The following RPAP3 variants were observed in gnomAD, a reference collection of about 807,000 sequenced individuals.
The protein encoded by RPAP3 is RNA polymerase II-associated protein 3.
Under a neutral mutation model 88.8 loss-of-function variants are expected in RPAP3, and 58 were observed. The observed-to-expected ratio is 0.65, with a 90% CI of 0.53 to 0.81. The LOEUF is 0.81. Ranked by LOEUF, RPAP3 falls within the 40% of genes least tolerant of loss-of-function variation. RPAP3 has a pLI of 0.00. For missense variants in RPAP3, 751 were observed against 764.3 expected, an observed-to-expected ratio of 0.98 and a Z score of 0.20; for synonymous variants, 255 against 259.9, an observed-to-expected ratio of 0.98 and a Z score of 0.18.
rs1565712326 is a variant in RPAP3 at position 47,667,042 on chromosome 12, CT to C, written c.1849del (p.Arg617AspfsTer5). 1.1e-5 allele frequency: 16 copies of C among 1,516,534 alleles called. No individual in the cohort carries two copies. The highest frequency in any genetic ancestry group is 1.4e-5 in the Non-Finnish European group (16 of 1,138,560). 93.9% of individuals were successfully genotyped at this position (1,516,534 alleles called of 1,614,324 possible). A position where few individuals can be genotyped will look rare whatever the true frequency, so the allele number is the denominator to read the frequency against. ...ATCAAACCTTTTTAGTTCAGAAAGT[CT>C]TTGTAAGATTTCAAAGATGAGTAAT... The part of the protein sequence containing the change: ...KPLLIFEILQ[R>X]LSELKRFDMA... On this transcript the variant is annotated frameshift_variant, in exon 16 of 17. Coordinates refer to ENST00000005386, the MANE Select transcript of RPAP3 (RefSeq NM_024604.3). LOFTEE classifies it high-confidence loss of function.
chr12:47,672,487 CA>C (rs1487322892), intron 12 of RPAP3, among the ~76,000 whole-genome samples: 1 of 152,190 alleles, frequency 6.6e-6, no homozygotes, highest in Non-Finnish European at 1.5e-5. Flanking sequence ...GAGTTATTCT[CA>C]ATTTACGGAG....
At chr12:47,666,812 C>G (rs1211694572) in intron 16 of RPAP3, among the ~76,000 whole-genome samples, 168 bp downstream of exon 16, 1 of 151,930 alleles carries the variant, frequency 6.6e-6, no homozygotes, top group Non-Finnish European at 1.5e-5. Context: ...TTCTTGTTAT[C>G]CAATTTAATT....
intron 5 of RPAP3, among the ~76,000 whole-genome samples, chr12:47,695,088 G>C (rs1301634082): frequency 2.6e-5 from 4 of 151,966 alleles, no homozygotes; most frequent in African/African-American, 7.3e-5. Flanking sequence ...ACAGAAGGTG[G>C]GCAATAGAAA....
intron 3 of RPAP3, among the ~76,000 whole-genome samples, chr12:47,698,593 A>C (rs1457088549): frequency 1.3e-5 from 2 of 152,096 alleles, no homozygotes; most frequent in Admixed American, 1.3e-4. Flanking sequence ...AGCTTACTGC[A>C]ACCTCCATCT....
At chr12:47,678,223 C>T (rs1939154635) in intron 12 of RPAP3, among the ~76,000 whole-genome samples, 1 of 152,102 alleles carries the variant, frequency 6.6e-6, no homozygotes, top group Non-Finnish European at 1.5e-5. Context: ...TGGATCCCTT[C>T]CTTACACCTT....
rs567025650 is a variant in RPAP3, at chr12:47,686,878, A to C, written c.894T>G (p.Tyr298Ter). 98 of 1,602,102 alleles carry C rather than the reference A, an allele frequency of 6.1e-5. No homozygotes were observed. Among genetic ancestry groups the C allele is most frequent in the Non-Finnish European group, 8.2e-5 (96 of 1,172,742 alleles). ...RGNGFFKEGK[Y>*]ERAIECYTRG... Reference sequence around the variant, plus strand: ...GAGTATAGCATTCAATTGCTCTTTCATATTTCCCCTCTTTGAAAAATCCAT... The same window carrying C: ...GAGTATAGCATTCAATTGCTCTTTCCTATTTCCCCTCTTTGAAAAATCCAT... Residue 298 changes from tyrosine (Y) to a stop codon, truncating the protein, a stop_gained, in exon 9 of 17, where the codon TAT (tyrosine) becomes TAG (stop). Coordinates refer to ENST00000005386, the MANE Select transcript of RPAP3 (RefSeq NM_024604.3). LOFTEE classifies it high-confidence loss of function.
In RPAP3 at chr12:47,670,171, T is replaced by C. The variant is rs776870361; in HGVS notation, c.1462A>G (p.Thr488Ala). 2.5e-6 allele frequency: 4 copies of C among 1,614,018 alleles called. No homozygotes were observed. The East Asian group carries it at 6.7e-5, about 27-fold the overall frequency. Residue 488 changes from threonine (T) to alanine (A), a missense_variant, in exon 13 of 17, where the codon ACA becomes GCA. Transcript: ENST00000005386. The stretch of plus-strand genomic sequence containing the variant: ...ACTTTTGCTCTTGGAGTATCACTTG[T>C]GGGAAAAAGGTCATCTTGGCTTGAA... Reference protein sequence around the residue: ...KNSSQDDLFPTSDTPRAKVLK... With the variant: ...KNSSQDDLFPASDTPRAKVLK...
In RPAP3 at chr12:47,661,755, T is replaced by C. The variant is rs1165768553; in HGVS notation, c.*1750A>G. 6.6e-6 allele frequency: 1 copy of C among 152,242 alleles called. No individual in the cohort carries two copies. Among genetic ancestry groups the C allele is most frequent in the African/African-American group, 2.4e-5 (1 of 41,472 alleles). The allele number at this position is 152,242 out of a possible 1,614,324, so 9.4% of individuals were successfully genotyped here. On this transcript the variant is annotated 3_prime_UTR_variant, in exon 17 of 17. Transcript: ENST00000005386. ...TACATTAAGAGAAGACAGCACGTTC[T>C]GAACTGTTTTGGCCAATTTTTAGCT... is the stretch of plus-strand genomic sequence containing the variant.
intron 16 of RPAP3, chr12:47,664,642 C>T (rs1358523481): frequency 2.0e-5 from 3 of 152,162 alleles, no homozygotes; most frequent in Non-Finnish European, 4.4e-5. Flanking sequence ...ACTTAGCAGA[C>T]AGTGGAAACC....
intron 7 of RPAP3, among the ~76,000 whole-genome samples, chr12:47,688,254 C>T (rs1456922952): frequency 6.6e-6 from 1 of 151,448 alleles, no homozygotes; most frequent in Admixed American, 6.6e-5. Context: ...CATGTTTTGA[C>T]TTATAAGTGG....
chr12:47,665,327 G>T (rs947463118), intron 16 of RPAP3, among the ~76,000 whole-genome samples: 2 of 150,398 alleles, frequency 1.3e-5, no homozygotes, highest in Non-Finnish European at 3.0e-5. Context: ...ATGTTGGCCA[G>T]CCTGGTCTTG....
intron 12 of RPAP3, among the ~76,000 whole-genome samples, chr12:47,676,540 C>A (rs987567138): frequency 1.3e-5 from 2 of 152,052 alleles, no homozygotes; most frequent in Non-Finnish European, 2.9e-5. Context: ...ATCAAATATA[C>A]ACAATACAAA....
chr12:47,696,139 T>G, intron 5 of RPAP3, 137 bp downstream of exon 5: 1 of 672,680 alleles, frequency 1.5e-6, no homozygotes, highest in Non-Finnish European at 2.2e-6. Context: ...AGGAGTGAGC[T>G]ATAAGAATTT....
chr12:47,687,630 T>C (rs1037147423), intron 8 of RPAP3, among the ~76,000 whole-genome samples: 1 of 152,136 alleles, frequency 6.6e-6, no homozygotes, highest in Non-Finnish European at 1.5e-5. Context: ...TGTAAATATA[T>C]AAAACATTCA....
chr12:47,679,863 A>G (rs1292120852), intron 10 of RPAP3, 89 bp from the exon 11 acceptor site: 29 of 918,650 alleles, frequency 3.2e-5, no homozygotes, highest in Non-Finnish European at 4.6e-5. Flanking sequence ...TTCAGTTAGT[A>G]ATCACATTTT....
At chr12:47,666,309 C>T (rs73102195) in intron 16 of RPAP3, among the ~76,000 whole-genome samples, 9,175 of 152,252 alleles carry the variant, frequency 0.06, 354 homozygotes, top group Middle Eastern at 0.12. Flanking sequence ...AGGTTCATCA[C>T]CTGCCACTCA....
intron 15 of RPAP3, 67 bp from the exon 16 acceptor site, chr12:47,667,147 T>C: frequency 1.6e-6 from 1 of 640,082 alleles, no homozygotes; most frequent in South Asian, 3.5e-5. Context: ...TAATTCTGTT[T>C]ACTAACACAA....
chr12:47,703,360 T>C (rs867691549), intron 1 of RPAP3, among the ~76,000 whole-genome samples: 1 of 152,152 alleles, frequency 6.6e-6, no homozygotes, highest in Non-Finnish European at 1.5e-5. Context: ...GGCCAAAAAA[T>C]TTATTTTAAG....
chr12:47,681,862 T>C (rs957642960), intron 9 of RPAP3, 45 bp from the exon 10 acceptor site: 3 of 1,518,054 alleles, frequency 2.0e-6, no homozygotes, highest in Non-Finnish European at 2.6e-6. Context: ...AGGCAGCTTA[T>C]GGAAAAATGT....
Sources: gnomAD v4.1 joint callset for allele counts (sites outside exome capture counted in the v4.1 genomes callset) on GRCh38, gnomAD v4.1.1 for gene constraint, MANE v1.5 for transcripts, NCBI Gene and HGNC (gene_info 2026-07-23, HGNC 2026-07-21) for gene names.